Variants in BAIAP2L1 observed in about 807,000 individuals in gnomAD.
The protein encoded by BAIAP2L1 is BAR/IMD domain containing adaptor protein 2 like 1.
Under a neutral mutation model 66.3 loss-of-function variants are expected in BAIAP2L1, and 35 were observed. The ratio of observed to expected loss-of-function variants is 0.53; its 90% CI spans 0.40 to 0.70. The LOEUF is 0.70. Among genes scored for constraint, BAIAP2L1 ranks in the 30% least tolerant of loss-of-function variants. The probability of loss-of-function intolerance (pLI) is 0.00; values close to 1 mark genes in which losing one functional copy is unlikely to be tolerated. For missense variants in BAIAP2L1, 622 were observed against 656.9 expected, an observed-to-expected ratio of 0.95 and a Z score of 0.58; for synonymous variants, 269 against 248.7, an observed-to-expected ratio of 1.08 and a Z score of -0.77.
intron 1 of BAIAP2L1, among the ~76,000 whole-genome samples, chr7:98,369,446 C>T (rs1245301404): frequency 6.6e-6 from 1 of 152,064 alleles, no homozygotes; most frequent in African/African-American, 2.4e-5. Flanking sequence ...CCGCTGCACT[C>T]CAGCCTGGGC....
intron 2 of BAIAP2L1, among the ~76,000 whole-genome samples, chr7:98,359,845 G>A (rs966808367): frequency 1.3e-4 from 19 of 146,024 alleles, no homozygotes; most frequent in African/African-American, 4.8e-4. Context: ...TTGCAGCCTC[G>A]AACTTCTGGA....
At chr7:98,364,986 CAAAAAAAAAAAAAAAAA>C (rs531177927) in intron 1 of BAIAP2L1, among the ~76,000 whole-genome samples, 5 of 30,782 alleles carry the variant, frequency 1.6e-4, no homozygotes, top group African/African-American at 2.6e-4. Context: ...GGATATGTCT[CAAAAAAAAAAAAAAAAA>C]AAAAAAAAAA....
intron 3 of BAIAP2L1, among the ~76,000 whole-genome samples, chr7:98,353,344 T>C (rs1045703126): frequency 4.3e-5 from 6 of 138,758 alleles, no homozygotes; most frequent in African/African-American, 1.3e-4. Context: ...TATATAAATA[T>C]ATTTATATAT....
chr7:98,337,833 G>A (rs1801648291), intron 3 of BAIAP2L1, among the ~76,000 whole-genome samples: 1 of 152,110 alleles, frequency 6.6e-6, no homozygotes. Context: ...TGGGAGAATT[G>A]CTTGAACCCA....
intron 1 of BAIAP2L1, among the ~76,000 whole-genome samples, chr7:98,365,983 G>A (rs977959762): frequency 3.9e-5 from 6 of 152,078 alleles, no homozygotes; most frequent in South Asian, 4.1e-4. Context: ...GTATTGAGGC[G>A]TGCAGCCCGT....
chr7:98,319,883 C>G (rs182505709), intron 5 of BAIAP2L1, among the ~76,000 whole-genome samples, 175 bp downstream of exon 5: 4 of 152,062 alleles, frequency 2.6e-5, no homozygotes, highest in South Asian at 2.1e-4. Flanking sequence ...CAAGTGTTAG[C>G]GAAAACCGGC....
chr7:98,397,937 T>C (rs1172567187), intron 1 of BAIAP2L1, among the ~76,000 whole-genome samples: 1 of 152,218 alleles, frequency 6.6e-6, no homozygotes, highest in Non-Finnish European at 1.5e-5. Flanking sequence ...TGCCTACGTA[T>C]ACATTTTAGA....
chr7:98,296,512 C>T (rs1361435710), intron 12 of BAIAP2L1, among the ~76,000 whole-genome samples: 1 of 152,180 alleles, frequency 6.6e-6, no homozygotes, highest in Non-Finnish European at 1.5e-5. Flanking sequence ...GTAATCCCAG[C>T]TACTCAGGAG....
chr7:98,299,744 A>G (rs1562963758), intron 12 of BAIAP2L1, among the ~76,000 whole-genome samples: 1 of 152,170 alleles, frequency 6.6e-6, no homozygotes, highest in Non-Finnish European at 1.5e-5. Flanking sequence ...GTATATGGCT[A>G]CTTAAAATAA....
chr7:98,356,664 T>C (rs1284704397), intron 2 of BAIAP2L1, among the ~76,000 whole-genome samples: 17 of 32,724 alleles, frequency 5.2e-4, no homozygotes, highest in Non-Finnish European at 8.5e-4. Flanking sequence ...TCCTGGCTAA[T>C]TAAAAAAAAA....
At chr7:98,378,080 C>G (rs941666440) in intron 1 of BAIAP2L1, among the ~76,000 whole-genome samples, 3 of 151,034 alleles carry the variant, frequency 2.0e-5, no homozygotes, top group African/African-American at 7.3e-5. Flanking sequence ...ACCTAGGAGG[C>G]GGCAGTTGCA....
At chr7:98,318,812 T>C (rs1801156777) in intron 5 of BAIAP2L1, among the ~76,000 whole-genome samples, 1 of 151,264 alleles carries the variant, frequency 6.6e-6, no homozygotes, top group Non-Finnish European at 1.5e-5. Context: ...GGTGCAGTGG[T>C]GGGTGCCTGT....
chr7:98,374,120 T>C (rs1360571942), intron 1 of BAIAP2L1, among the ~76,000 whole-genome samples: 1 of 151,890 alleles, frequency 6.6e-6, no homozygotes, highest in African/African-American at 2.4e-5. Context: ...GACTAATTTT[T>C]GGATTTTTTG....
At chr7:98,377,799 G>A (rs1477375469) in intron 1 of BAIAP2L1, among the ~76,000 whole-genome samples, 2 of 121,594 alleles carry the variant, frequency 1.6e-5, no homozygotes, top group African/African-American at 3.3e-5. Flanking sequence ...CAGCCTGGGC[G>A]ACAGAGTGAG....
intron 3 of BAIAP2L1, among the ~76,000 whole-genome samples, chr7:98,342,673 T>TC (rs1012054385): frequency 6.6e-6 from 1 of 152,084 alleles, no homozygotes; most frequent in Non-Finnish European, 1.5e-5. Flanking sequence ...ATTTATAAAC[T>TC]CCCCAAAGAA....
At chr7:98,376,000 G>T (rs1802619362) in intron 1 of BAIAP2L1, among the ~76,000 whole-genome samples, 1 of 152,110 alleles carries the variant, frequency 6.6e-6, no homozygotes, top group African/African-American at 2.4e-5. Flanking sequence ...ATTTTGCTTT[G>T]TGTGTTAAAA....
At chr7:98,372,509 A>G (rs1802533369) in intron 1 of BAIAP2L1, among the ~76,000 whole-genome samples, 1 of 152,196 alleles carries the variant, frequency 6.6e-6, no homozygotes, top group Non-Finnish European at 1.5e-5. Context: ...TTTATGATAA[A>G]TAAGCATTAA....
Position 98,400,959 on chromosome 7 carries a change from G to C in BAIAP2L1, c.-107C>G. 9.6e-7 allele frequency: 1 copy of C among 1,040,686 alleles called. No individual in the cohort carries two copies. Among genetic ancestry groups the C allele is most frequent in the Non-Finnish European group, 1.3e-6 (1 of 791,430 alleles). The allele number at this position is 1,040,686 out of a possible 1,614,324, so 64.5% of individuals were successfully genotyped here. A position where few individuals can be genotyped will look rare whatever the true frequency, so the allele number is the denominator to read the frequency against. On this transcript the variant is annotated 5_prime_UTR_variant, in exon 1 of 14. Transcript: ENST00000005260. ...GGGCGCGACTAAGGGGCTCTGGAGG[G>C]TCGGCCGCCGCCGCAGCCGTCGGCC... is the stretch of plus-strand genomic sequence containing the variant.
chr7:98,293,995 G>A, intron 13 of BAIAP2L1, 79 bp downstream of exon 13: 3 of 1,491,362 alleles, frequency 2.0e-6, no homozygotes, highest in Non-Finnish European at 2.8e-6. Context: ...CCTGGGCTGG[G>A]CACCGAAGGC....
Sources: allele counts gnomAD v4.1 joint callset (sites outside exome capture counted in the v4.1 genomes callset), GRCh38; gene constraint gnomAD v4.1.1; transcripts MANE v1.5; gene names NCBI Gene and HGNC (gene_info 2026-07-23, HGNC 2026-07-21).